PPP1R14D: variants seen among roughly 807,000 people sequenced by gnomAD.
PPP1R14D encodes protein phosphatase 1 regulatory inhibitor subunit 14D.
PPP1R14D carries 14 observed loss-of-function variants against 17.1 expected under a neutral mutation model. The ratio of observed to expected loss-of-function variants is 0.82; its 90% CI spans 0.54 to 1.28. The LOEUF (loss-of-function observed/expected upper bound fraction) is 1.28. Ranked by LOEUF, PPP1R14D falls within the 50% of genes most tolerant of loss-of-function variation. The pLI, the probability that PPP1R14D is intolerant of heterozygous loss-of-function variation, is 0.00. For synonymous variants in PPP1R14D, 67 were observed against 66.1 expected (o/e 1.01, Z -0.06); for missense variants, 173 against 179.2 (o/e 0.97, Z 0.20).
chr15:40,828,368 T>C lies in PPP1R14D; in HGVS notation c.255+19A>G. On this transcript the variant is annotated intron_variant, in intron 1 of 3. Coordinates refer to ENST00000299174, the MANE Select transcript of PPP1R14D (RefSeq NM_017726.8). ...ACCCCAGGCCCCCATCTCCTCCCACTATCCGCTGTGCTACCTACCTGGAAG... is the reference window on the plus strand; with the variant it reads ...ACCCCAGGCCCCCATCTCCTCCCACCATCCGCTGTGCTACCTACCTGGAAG... The C allele has an allele frequency of 3.8e-6, 6 of 1,560,656 alleles. No homozygotes were observed. The highest frequency in any genetic ancestry group is 5.2e-6 in the Non-Finnish European group (6 of 1,153,640).
At chr15:40,818,986 T>C (rs1023809894) in intron 1 of PPP1R14D, among the ~76,000 whole-genome samples, 17 of 152,202 alleles carry the variant, frequency 1.1e-4, no homozygotes, top group African/African-American at 3.6e-4. Context: ...TCTTTTACCT[T>C]ATGCTCAATT....
chr15:40,821,393 T>G (rs1436043583), intron 1 of PPP1R14D, among the ~76,000 whole-genome samples: 1 of 151,696 alleles, frequency 6.6e-6, no homozygotes, highest in Non-Finnish European at 1.5e-5. Flanking sequence ...TTGCATATTT[T>G]AAATGTAAAC....
At chr15:40,827,947 AAAAGAAAGAAAG>A (rs138484384) in intron 1 of PPP1R14D, among the ~76,000 whole-genome samples, 1 of 151,786 alleles carries the variant, frequency 6.6e-6, no homozygotes, top group African/African-American at 2.4e-5. Flanking sequence ...AACAAAAAAC[AAAAGAAAGAAAG>A]AAAGAAAGAA....
chr15:40,820,894 TA>T (rs144210784), intron 1 of PPP1R14D, among the ~76,000 whole-genome samples: 11,173 of 146,752 alleles, frequency 0.076, 1,009 homozygotes, highest in African/African-American at 0.23. Context: ...AAGAAAGAAA[TA>T]AAAGAACCAG....
rs565561001 is a variant in PPP1R14D, at chr15:40,818,246, G to A, written c.256-1993C>T. ...AGAGCTTGCAGTGAGCCAAGATGGC[G>A]CCACTGCACTCCAGCCTGGGCGACA... On this transcript the variant is annotated intron_variant, in intron 1 of 3. Transcript: ENST00000299174. 1.3e-4 allele frequency among the ~76,000 whole-genome samples: 17 copies of A among 132,880 alleles called. 1 individual carries two copies. The highest frequency in any genetic ancestry group is 2.0e-4 in the Non-Finnish European group (13 of 65,872). 87.2% of individuals were successfully genotyped at this position (132,880 alleles called of 152,430 possible). A position where few individuals can be genotyped will look rare whatever the true frequency, so the allele number is the denominator to read the frequency against.
intron 1 of PPP1R14D, among the ~76,000 whole-genome samples, chr15:40,822,241 T>G (rs1299040278): frequency 6.6e-6 from 1 of 151,982 alleles, no homozygotes; most frequent in Non-Finnish European, 1.5e-5. Context: ...TCCCAGTACT[T>G]TGGGAGGTCA....
intron 1 of PPP1R14D, among the ~76,000 whole-genome samples, chr15:40,819,346 G>A (rs956710316): frequency 3.3e-5 from 5 of 152,146 alleles, no homozygotes; most frequent in South Asian, 2.1e-4. Flanking sequence ...TCAGGAGTTC[G>A]AGACCAGCCT....
intron 1 of PPP1R14D, 132 bp from the exon 2 acceptor site, chr15:40,816,385 T>G: frequency 1.4e-6 from 1 of 732,712 alleles, no homozygotes. Context: ...GAACACCCAT[T>G]CAGTTTTCCA....
chr15:40,828,332 G>A (rs973142609), intron 1 of PPP1R14D, 55 bp downstream of exon 1: 5 of 1,524,338 alleles, frequency 3.3e-6, no homozygotes, highest in Admixed American at 2.2e-5. Context: ...AGGTCTCAGT[G>A]CCCTGGGTGG....
chr15:40,818,326 C>T (rs181909720), intron 1 of PPP1R14D, among the ~76,000 whole-genome samples: 79 of 148,718 alleles, frequency 5.3e-4, no homozygotes, highest in Non-Finnish European at 9.8e-4. Flanking sequence ...CACATGCACA[C>T]GGATGATCTA....
chr15:40,818,417 T>G (rs1890714276), intron 1 of PPP1R14D, among the ~76,000 whole-genome samples: 1 of 151,896 alleles, frequency 6.6e-6, no homozygotes, highest in African/African-American at 2.4e-5. Flanking sequence ...CAAACTGGTA[T>G]GTCCAGAGAA....
Position 40,828,377 on chromosome 15 carries a change from T to G in PPP1R14D, c.255+10A>C, listed in dbSNP as rs778773977. 6.3e-7 allele frequency: 1 copy of G among 1,579,186 alleles called. No homozygotes were observed. The highest frequency in any genetic ancestry group is 1.8e-5 in the Admixed American group (1 of 56,212). ...CCCCATCTCCTCCCACTATCCGCTG[T>G]GCTACCTACCTGGAAGAGCTCCTGA... On this transcript the variant is annotated intron_variant, in intron 1 of 3. Transcript: ENST00000299174.
intron 1 of PPP1R14D, among the ~76,000 whole-genome samples, chr15:40,821,577 A>G (rs1455019269): frequency 2.6e-5 from 4 of 152,180 alleles, no homozygotes; most frequent in African/African-American, 7.2e-5. Context: ...TATGGATATC[A>G]AGTGGTCTAA....
At position 40,817,519 on chromosome 15, in the gene PPP1R14D, ACATT is replaced by A. The variant is rs201928349; in HGVS notation, c.256-1270_256-1267del. Among the ~76,000 whole-genome samples, 160 of 152,218 alleles carry A rather than the reference ACATT, an allele frequency of 1.1e-3. 2 individuals carry two copies. The East Asian group carries it at 0.025, about 24-fold the overall frequency. ...TGTCATTAGGGAATTGCAAATTAAA[ACATT>A]CATTCATTCATGTCATTCATTGCTA... On this transcript the variant is annotated intron_variant, in intron 1 of 3. Coordinates refer to ENST00000299174, the MANE Select transcript of PPP1R14D (RefSeq NM_017726.8).
chr15:40,822,358 T>C (rs766434000), intron 1 of PPP1R14D, among the ~76,000 whole-genome samples: 13 of 151,612 alleles, frequency 8.6e-5, no homozygotes, highest in Admixed American at 2.0e-4. Context: ...TTTATAAATT[T>C]AGTGTAGCAG....
chr15:40,821,963 T>C (rs1301658349), intron 1 of PPP1R14D, among the ~76,000 whole-genome samples: 1 of 151,808 alleles, frequency 6.6e-6, no homozygotes, highest in East Asian at 1.9e-4. Context: ...ACTCTAATGA[T>C]TAGAACTTTG....
At chr15:40,816,690 A>G (rs1890673653) in intron 1 of PPP1R14D, among the ~76,000 whole-genome samples, 1 of 152,094 alleles carries the variant, frequency 6.6e-6, no homozygotes, top group Non-Finnish European at 1.5e-5. Flanking sequence ...ACTGTACTCC[A>G]TCCTGGGTGA....
intron 1 of PPP1R14D, among the ~76,000 whole-genome samples, chr15:40,824,039 A>G (rs1890829848): frequency 6.6e-6 from 1 of 151,612 alleles, no homozygotes; most frequent in Non-Finnish European, 1.5e-5. Flanking sequence ...CCTGGTGTTG[A>G]GAATATGGGC....
At chr15:40,823,030 T>C (rs1400474095) in intron 1 of PPP1R14D, among the ~76,000 whole-genome samples, 1 of 148,074 alleles carries the variant, frequency 6.8e-6, no homozygotes, top group African/African-American at 2.5e-5. Context: ...AATGGTGCAA[T>C]CTTGGCTTAC....
Sources: gnomAD v4.1 joint callset for allele counts (sites outside exome capture counted in the v4.1 genomes callset) on GRCh38, gnomAD v4.1.1 for gene constraint, MANE v1.5 for transcripts, NCBI Gene and HGNC (gene_info 2026-07-23, HGNC 2026-07-21) for gene names.